Variants in DSC3 observed in about 807,000 individuals in gnomAD.
The protein encoded by DSC3 is desmocollin 3.
DSC3 carries 97 observed loss-of-function variants against 89.5 expected under a neutral mutation model. The observed-to-expected ratio is 1.08, with a 90% CI of 0.92 to 1.28. The LOEUF (loss-of-function observed/expected upper bound fraction) is 1.28, where lower values mean the gene tolerates loss of function less well. Among genes scored for constraint, DSC3 ranks in the 50% most tolerant of loss-of-function variants. The pLI is 0.00. For missense variants in DSC3, 1,199 were observed against 1,085.3 expected, an observed-to-expected ratio of 1.10 and a Z score of -1.47; for synonymous variants, 436 against 384.1, an observed-to-expected ratio of 1.14 and a Z score of -1.58.
chr18:31,006,321 C>T (rs575186659), intron 12 of DSC3, among the ~76,000 whole-genome samples: 3 of 111,304 alleles, frequency 2.7e-5, no homozygotes, highest in African/African-American at 7.7e-5. Context: ...TATTTTGAGA[C>T]GGAGTCTCCC....
chr18:31,033,164 A>G (rs1567961884), intron 1 of DSC3, among the ~76,000 whole-genome samples: 1 of 152,198 alleles, frequency 6.6e-6, no homozygotes, highest in African/African-American at 2.4e-5. Context: ...GGAAATTTTT[A>G]AAGACCTAGA....
intron 9 of DSC3, among the ~76,000 whole-genome samples, chr18:31,015,437 A>G (rs1985203798): frequency 6.6e-6 from 1 of 152,232 alleles, no homozygotes; most frequent in South Asian, 2.1e-4. Context: ...ACAAAAAAAC[A>G]TACAAAAGAA....
At chr18:30,998,077 G>T (rs890986696) in intron 14 of DSC3, among the ~76,000 whole-genome samples, 1 of 152,224 alleles carries the variant, frequency 6.6e-6, no homozygotes, top group Admixed American at 6.5e-5. Flanking sequence ...ACTCATTACA[G>T]AGAGAAACAC....
At chr18:31,013,153 T>C (rs1290800992) in intron 9 of DSC3, among the ~76,000 whole-genome samples, 1 of 152,174 alleles carries the variant, frequency 6.6e-6, no homozygotes, top group Non-Finnish European at 1.5e-5. Context: ...AGATGCTAAT[T>C]AATAAACAAT....
chr18:31,029,214 T>C (rs894892862), intron 4 of DSC3, among the ~76,000 whole-genome samples: 18 of 152,276 alleles, frequency 1.2e-4, no homozygotes, highest in South Asian at 2.1e-4. Context: ...GGGCCATGAC[T>C]AAATTTACTT....
intron 1 of DSC3, among the ~76,000 whole-genome samples, chr18:31,042,348 T>G (rs1986161054): frequency 6.6e-6 from 1 of 152,144 alleles, no homozygotes; most frequent in Non-Finnish European, 1.5e-5. Flanking sequence ...TGAGCGCGAC[T>G]CAGAATTCCA....
intron 9 of DSC3, among the ~76,000 whole-genome samples, chr18:31,017,753 T>C (rs1985282333): frequency 6.6e-6 from 1 of 152,100 alleles, no homozygotes; most frequent in Non-Finnish European, 1.5e-5. Context: ...ACCAAACATA[T>C]GAGTTATAGA....
At chr18:31,013,715 CT>C (rs1303248014) in intron 9 of DSC3, among the ~76,000 whole-genome samples, 1 of 151,946 alleles carries the variant, frequency 6.6e-6, no homozygotes, top group African/African-American at 2.4e-5. Flanking sequence ...CATTTTTTTG[CT>C]ATTCAACCGA....
chr18:31,007,458 A>C (rs2144690959), intron 11 of DSC3, among the ~76,000 whole-genome samples: 1 of 152,316 alleles, frequency 6.6e-6, no homozygotes, highest in East Asian at 1.9e-4. Flanking sequence ...GTTACAGATA[A>C]GATTTCTAAT....
In DSC3 at chr18:30,994,031, T is replaced by C. The variant is rs9949290; in HGVS notation, c.*144A>G. 7,097 of 827,808 alleles carry C rather than the reference T, an allele frequency of 8.6e-3. 345 individuals carry two copies. In the African/African-American group the frequency reaches 0.11, roughly 13 times the overall value. 51.3% of individuals were successfully genotyped at this position (827,808 alleles called of 1,614,324 possible). ...TTGGAAAAGATAAGCAACAACTTGC[T>C]TTAAAAATATAAATTGGTGAGTAGC... On this transcript the variant is annotated 3_prime_UTR_variant, in exon 16 of 16. Transcript: ENST00000360428.
rs750237973 is a variant in DSC3 at position 31,025,863 on chromosome 18, C to T, written c.527G>A (p.Arg176His). Residue 176 changes from arginine to histidine, a missense_variant, in exon 5 of 16, where the codon CGT (arginine) becomes CAT (histidine). Coordinates refer to ENST00000360428, the MANE Select transcript of DSC3 (RefSeq NM_001941.5). ...NYTVFYSISG[R>H]GVDKEPLNLF... ...ATTTAAAGGTTCTTTATCAACTCCACGTCCACTTATTGAGTAGAAGACAGT... is the reference window on the plus strand; with the variant it reads ...ATTTAAAGGTTCTTTATCAACTCCATGTCCACTTATTGAGTAGAAGACAGT... 37 of 1,612,888 alleles carry T rather than the reference C, an allele frequency of 2.3e-5. No homozygotes were observed. The highest frequency in any genetic ancestry group is 1.3e-4 in the South Asian group (12 of 91,058).
In DSC3 at chr18:30,994,140, A is replaced by G; in HGVS notation, c.*35T>C. On this transcript the variant is annotated 3_prime_UTR_variant, in exon 16 of 16. Coordinates refer to ENST00000360428, the MANE Select transcript of DSC3 (RefSeq NM_001941.5). Reference sequence around the variant, plus strand: ...AATATTATTTTTGGAAACCTCCAGAATGTCTGACAAAGACCTAATTGTAGC... The same window carrying G: ...AATATTATTTTTGGAAACCTCCAGAGTGTCTGACAAAGACCTAATTGTAGC... 1 of 1,596,020 alleles carries G rather than the reference A, an allele frequency of 6.3e-7. No individual in the cohort carries two copies.
intron 1 of DSC3, among the ~76,000 whole-genome samples, chr18:31,041,845 C>T (rs941028945): frequency 6.6e-6 from 1 of 152,066 alleles, no homozygotes; most frequent in African/African-American, 2.4e-5. Flanking sequence ...GTAAGTACGA[C>T]GCAACCCCAC....
In DSC3 at chr18:31,018,172, T is replaced by C. The variant is rs778264822; in HGVS notation, c.1162A>G (p.Asn388Asp). ...IEDKDLINTA[N>D]WRVNFTILKG... is the part of the protein sequence containing the mutation. ...AAAATGGTAAAATTGACTCTCCAAT[T>C]GGCAGTGTTAATTAAATCCTTATCT... is the stretch of plus-strand genomic sequence containing the variant. Residue 388 changes from asparagine to aspartate, a missense_variant, in exon 9 of 16, where the codon AAT becomes GAT. Asn to Asp is a conservative substitution (Grantham distance 23). Coordinates refer to ENST00000360428, the MANE Select transcript of DSC3 (RefSeq NM_001941.5). 1.9e-6 allele frequency: 3 copies of C among 1,612,402 alleles called. No homozygotes were observed. Among genetic ancestry groups the C allele is most frequent in the Non-Finnish European group, 2.5e-6 (3 of 1,178,984 alleles).
chr18:30,989,372 G>A lies in DSC3; in HGVS notation c.*4803C>T, dbSNP rs1443138132. Among the ~76,000 whole-genome samples, 3 of 152,120 alleles carry A rather than the reference G, an allele frequency of 2.0e-5. No homozygotes were observed. Among genetic ancestry groups the A allele is most frequent in the Non-Finnish European group, 4.4e-5 (3 of 68,026 alleles). ...CAGACACACAAGGCCACATATGTACGATTTCATTTATATGAATGTCCAGAG... is the reference window on the plus strand; with the variant it reads ...CAGACACACAAGGCCACATATGTACAATTTCATTTATATGAATGTCCAGAG... On this transcript the variant is annotated 3_prime_UTR_variant, in exon 16 of 16. Coordinates refer to ENST00000360428, the MANE Select transcript of DSC3 (RefSeq NM_001941.5).
intron 9 of DSC3, among the ~76,000 whole-genome samples, chr18:31,014,494 TG>T (rs1393727205): frequency 6.6e-6 from 1 of 152,228 alleles, no homozygotes; most frequent in Non-Finnish European, 1.5e-5. Flanking sequence ...TTGTTTCTTT[TG>T]AACTTTGAAC....
intron 4 of DSC3, among the ~76,000 whole-genome samples, chr18:31,028,194 C>T (rs777552260): frequency 2.0e-5 from 3 of 151,970 alleles, no homozygotes; most frequent in Non-Finnish European, 2.9e-5. Context: ...TGGAGCTCTC[C>T]GAAGTTTAGA....
chr18:31,015,850 C>G (rs1314818984), intron 9 of DSC3, among the ~76,000 whole-genome samples: 1 of 152,090 alleles, frequency 6.6e-6, no homozygotes, highest in Non-Finnish European at 1.5e-5. Context: ...GGTAGGAGAT[C>G]AGCAGGACTT....
rs1274411330 is a variant in DSC3, at chr18:31,031,083, CT to C, written c.243del (p.Ala82ProfsTer32). 1 of 1,614,092 alleles carries C rather than the reference CT, an allele frequency of 6.2e-7. No homozygotes were observed. The highest frequency in any genetic ancestry group is 8.5e-7 in the Non-Finnish European group (1 of 1,179,984). Reference protein sequence around the residue: ...FRVLNDGSVYTARAVALSDKK... With the variant: ...FRVLNDGSVYXARAVALSDKK... ...TTATCAGACAGCGCAACAGCCCTGG[CT>C]GTGTACACTGACCCATCATTTAGAA... On this transcript the variant is annotated frameshift_variant, in exon 3 of 16. Coordinates refer to ENST00000360428, the MANE Select transcript of DSC3 (RefSeq NM_001941.5). LOFTEE classifies it high-confidence loss of function.
Sources: gnomAD v4.1 joint callset for allele counts (sites outside exome capture counted in the v4.1 genomes callset) on GRCh38, gnomAD v4.1.1 for gene constraint, MANE v1.5 for transcripts, NCBI Gene and HGNC (gene_info 2026-07-23, HGNC 2026-07-21) for gene names.